Variants in XRN1 observed in about 807,000 individuals in gnomAD.
XRN1 encodes strand-exchange protein 1 homolog.
Under a neutral mutation model 222.3 loss-of-function variants are expected in XRN1, and 67 were observed. The ratio of observed to expected loss-of-function variants is 0.30; its 90% CI spans 0.25 to 0.37. The LOEUF is 0.37. Ranked by LOEUF, XRN1 falls within the 10% of genes least tolerant of loss-of-function variation. The pLI is 1.00. For missense variants in XRN1, 1,707 were observed against 2,000.2 expected (o/e 0.85, Z 2.80); for synonymous variants, 643 against 652.4 (o/e 0.99, Z 0.22).
chr3:142,399,238 GAA>G (rs58300200), intron 19 of XRN1, among the ~76,000 whole-genome samples: 3 of 59,168 alleles, frequency 5.1e-5, no homozygotes, highest in Non-Finnish European at 7.4e-5. Flanking sequence ...AAACAATTCT[GAA>G]AAAAAAAAAA....
intron 20 of XRN1, 119 bp downstream of exon 20, chr3:142,397,210 G>A: frequency 3.1e-6 from 3 of 957,804 alleles, no homozygotes; most frequent in Middle Eastern, 3.4e-4. Context: ...TCTAAAACAG[G>A]ATGAAGGTGT....
intron 2 of XRN1, among the ~76,000 whole-genome samples, chr3:142,427,183 A>G (rs752550971): frequency 1.3e-5 from 2 of 152,152 alleles, no homozygotes; most frequent in South Asian, 2.1e-4. Context: ...AAAAAAAATT[A>G]TTAGCCAGGT....
At chr3:142,396,172 T>C (rs985112504) in intron 20 of XRN1, among the ~76,000 whole-genome samples, 4 of 152,346 alleles carry the variant, frequency 2.6e-5, no homozygotes, top group African/African-American at 9.6e-5. Context: ...CAGGTATCAA[T>C]ACATTGATAT....
At chr3:142,385,570 G>T (rs911807982) in intron 20 of XRN1, among the ~76,000 whole-genome samples, 1 of 152,188 alleles carries the variant, frequency 6.6e-6, no homozygotes, top group East Asian at 1.9e-4. Context: ...CTGCTTTTGC[G>T]CTACATGGTA....
intron 26 of XRN1, 113 bp from the exon 27 acceptor site, chr3:142,370,733 C>G (rs1296371371): frequency 2.3e-6 from 2 of 856,626 alleles, no homozygotes; most frequent in Non-Finnish European, 3.4e-6. Flanking sequence ...TTAATCGGGA[C>G]TAATTCTAAA....
intron 27 of XRN1, among the ~76,000 whole-genome samples, chr3:142,366,769 A>T (rs1181240974): frequency 6.6e-6 from 1 of 152,222 alleles, no homozygotes; most frequent in Admixed American, 6.5e-5. Context: ...AACTTTAAAA[A>T]GCAGGCACAG....
At chr3:142,390,491 T>G (rs924646896) in intron 20 of XRN1, among the ~76,000 whole-genome samples, 1 of 152,236 alleles carries the variant, frequency 6.6e-6, no homozygotes, top group African/African-American at 2.4e-5. Context: ...CTCTGCTTAC[T>G]TCAAACTTTT....
At chr3:142,357,991 T>C (rs1363880235) in intron 30 of XRN1, among the ~76,000 whole-genome samples, 2 of 152,072 alleles carry the variant, frequency 1.3e-5, no homozygotes, top group East Asian at 1.9e-4. Flanking sequence ...TGAGCCAAGA[T>C]TGCACCACTG....
At chr3:142,327,522 T>C (rs2065552893) in intron 37 of XRN1, among the ~76,000 whole-genome samples, 1 of 151,952 alleles carries the variant, frequency 6.6e-6, no homozygotes, top group Non-Finnish European at 1.5e-5. Context: ...TTGATTTTGC[T>C]TATCTTTTAA....
intron 1 of XRN1, among the ~76,000 whole-genome samples, chr3:142,444,215 C>A (rs1054191306): frequency 6.6e-6 from 1 of 152,066 alleles, no homozygotes; most frequent in Non-Finnish European, 1.5e-5. Flanking sequence ...GAGGCCGAGG[C>A]GGGCAGATCA....
chr3:142,402,665 G>A (rs376796198), intron 18 of XRN1, among the ~76,000 whole-genome samples: 13 of 152,232 alleles, frequency 8.5e-5, no homozygotes, highest in African/African-American at 3.1e-4. Flanking sequence ...GTGGAATACT[G>A]GTTAAGAAAG....
rs951795394 is a variant in XRN1, at chr3:142,355,602, GAT to G, written c.3673-108_3673-107del. ...ATTAATGTTATTCAGTGGTAGACAG[GAT>G]ATTAAACCTTTTTTTTTTGACTTGG... On this transcript the variant is annotated intron_variant, in intron 31 of 40. Transcript: ENST00000392981. 4 of 703,796 alleles carry G rather than the reference GAT, an allele frequency of 5.7e-6. No individual in the cohort carries two copies. The African/African-American group carries it at 7.5e-5, about 13-fold the overall frequency. The allele number at this position is 703,796 out of a possible 1,614,324, so 43.6% of individuals were successfully genotyped here. A position where few individuals can be genotyped will look rare whatever the true frequency, so the allele number is the denominator to read the frequency against.
chr3:142,382,385 C>G (rs1200529288), intron 22 of XRN1, among the ~76,000 whole-genome samples: 1 of 152,096 alleles, frequency 6.6e-6, no homozygotes, highest in African/African-American at 2.4e-5. Flanking sequence ...CCCTATTTAT[C>G]TTTTTACTGT....
At position 142,371,295 on chromosome 3, in the gene XRN1, A is replaced by G; in HGVS notation, c.3012T>C (p.Asn1004=). Residue 1004 remains asparagine (N), a synonymous_variant, in exon 26 of 41, where the codon AAT becomes AAC. Coordinates refer to ENST00000392981, the MANE Select transcript of XRN1 (RefSeq NM_001282857.2). ...CTTCATAGAACACATCCTCTTGGCT[A>G]TTTTTGGCTATATAACTAAATAGTT... ...APELFSYIAK[N]SQEDVFYEDD... 1 of 1,613,420 alleles carries G rather than the reference A, an allele frequency of 6.2e-7. No individual in the cohort carries two copies. The highest frequency in any genetic ancestry group is 1.1e-5 in the South Asian group (1 of 90,992).
At chr3:142,384,171 C>G (rs1012859294) in intron 21 of XRN1, among the ~76,000 whole-genome samples, 1 of 151,204 alleles carries the variant, frequency 6.6e-6, no homozygotes, top group African/African-American at 2.4e-5. Context: ...ACTCGGGAAG[C>G]TGTGGCAGGA....
intron 37 of XRN1, 63 bp from the exon 38 acceptor site, chr3:142,318,966 GT>G: frequency 1.5e-6 from 2 of 1,338,602 alleles, no homozygotes; most frequent in Non-Finnish European, 2.1e-6. Context: ...CTCTCCCAAA[GT>G]TTAGTCTAAA....
At chr3:142,414,793 C>T (rs577484544) in intron 13 of XRN1, among the ~76,000 whole-genome samples, 1 of 152,290 alleles carries the variant, frequency 6.6e-6, no homozygotes, top group African/African-American at 2.4e-5. Flanking sequence ...CTGCGCCTGG[C>T]CTATTTCCTG....
chr3:142,399,209 A>G (rs1014224793), intron 19 of XRN1, among the ~76,000 whole-genome samples: 1 of 151,544 alleles, frequency 6.6e-6, no homozygotes, highest in Non-Finnish European at 1.5e-5. Flanking sequence ...ATGAAAAGGC[A>G]AAGGACCTAA....
chr3:142,336,485 AAG>A (rs1224863638), intron 33 of XRN1, among the ~76,000 whole-genome samples: 1 of 151,786 alleles, frequency 6.6e-6, no homozygotes, highest in Non-Finnish European at 1.5e-5. Flanking sequence ...TTAAAAAAGA[AAG>A]AGAGGCTGAG....
Sources: allele counts gnomAD v4.1 joint callset (sites outside exome capture counted in the v4.1 genomes callset), GRCh38; gene constraint gnomAD v4.1.1; transcripts MANE v1.5; gene names NCBI Gene and HGNC (gene_info 2026-07-23, HGNC 2026-07-21).